Variants in PRKG1 observed in about 807,000 individuals in gnomAD.
PRKG1 encodes the protein protein kinase cGMP-dependent 1, also known as cGMP-dependent protein kinase 1.
In PRKG1, 35 loss-of-function variants were observed where a neutral mutation model predicts 88.1. The ratio of observed to expected loss-of-function variants is 0.40; its 90% CI spans 0.30 to 0.53. The LOEUF (loss-of-function observed/expected upper bound fraction) is 0.53. PRKG1 is among the 20% of genes least tolerant of loss of function. The probability of loss-of-function intolerance (pLI) is 0.59; values close to 1 mark genes in which losing one functional copy is unlikely to be tolerated. For missense variants in PRKG1, 540 were observed against 839.8 expected (o/e 0.64, Z 4.41); for synonymous variants, 303 against 292.5 (o/e 1.04, Z -0.37).
chr10:51,358,442 A>C (rs1766573179), intron 2 of PRKG1, among the ~76,000 whole-genome samples: 1 of 151,942 alleles, frequency 6.6e-6, no homozygotes, highest in African/African-American at 2.4e-5. Flanking sequence ...GGTCTAAAGG[A>C]ATGTCAGTGT....
chr10:51,042,937 G>A (rs977574440), intron 1 of PRKG1, among the ~76,000 whole-genome samples: 1 of 152,152 alleles, frequency 6.6e-6, no homozygotes, highest in Non-Finnish European at 1.5e-5. Flanking sequence ...CTATGAACCA[G>A]GAAGTAGGTC....
At chr10:51,792,484 T>C (rs1336552462) in intron 3 of PRKG1, among the ~76,000 whole-genome samples, 1 of 152,110 alleles carries the variant, frequency 6.6e-6, no homozygotes, top group Non-Finnish European at 1.5e-5. Flanking sequence ...TGAGTTTCCA[T>C]AGATTTTCAA....
intron 2 of PRKG1, among the ~76,000 whole-genome samples, chr10:51,444,101 C>A (rs1839201204): frequency 6.8e-6 from 1 of 148,004 alleles, no homozygotes; most frequent in African/African-American, 2.5e-5. Flanking sequence ...AAAGAGAGTA[C>A]AGGAAAAAAA....
intron 4 of PRKG1, among the ~76,000 whole-genome samples, chr10:51,815,015 A>G (rs10999602): frequency 0.21 from 32,556 of 152,002 alleles, 5,607 homozygotes; most frequent in African/African-American, 0.48. Context: ...CTAAGTCCTC[A>G]GCTAAGGGAC....
chr10:52,293,535 T>C (rs1307657689), intron 17 of PRKG1, among the ~76,000 whole-genome samples: 3 of 152,174 alleles, frequency 2.0e-5, no homozygotes, highest in Admixed American at 2.0e-4. Context: ...TTTGTTTCCA[T>C]AGCTCTAGCC....
chr10:51,276,544 T>C (rs1466558581), intron 2 of PRKG1, among the ~76,000 whole-genome samples: 3 of 152,152 alleles, frequency 2.0e-5, no homozygotes, highest in African/African-American at 7.2e-5. Context: ...CACCACACTG[T>C]CTTCCACAAT....
At chr10:51,907,405 A>G (rs1389906011) in intron 4 of PRKG1, 102 bp from the exon 5 acceptor site, 12 of 889,928 alleles carry the variant, frequency 1.3e-5, no homozygotes, top group Middle Eastern at 2.5e-4. Context: ...ATTCCTTGTC[A>G]TGAAATAGTT....
Position 52,295,090 on chromosome 10 carries a change from A to T in PRKG1, c.*1190A>T, listed in dbSNP as rs979502298. ...TGTCTTAGGCCTGAACCAAAAAACA[A>T]CAAACAAACAAAAAACAAGAATGAA... On this transcript the variant is annotated 3_prime_UTR_variant, in exon 18 of 18. Transcript: ENST00000373980. The T allele has an allele frequency of 1.3e-5, 2 of 152,360 alleles. No homozygotes were observed. Among genetic ancestry groups the T allele is most frequent in the Non-Finnish European group, 2.9e-5 (2 of 68,030 alleles). The allele number at this position is 152,360 out of a possible 1,614,324, so 9.4% of individuals were successfully genotyped here. A position where few individuals can be genotyped will look rare whatever the true frequency, so the allele number is the denominator to read the frequency against.
At chr10:51,422,937 A>G (rs895792544) in intron 2 of PRKG1, among the ~76,000 whole-genome samples, 5 of 150,664 alleles carry the variant, frequency 3.3e-5, no homozygotes, top group African/African-American at 9.8e-5. Context: ...CAAAGTATAC[A>G]GCACTTGATC....
intron 7 of PRKG1, among the ~76,000 whole-genome samples, chr10:52,102,542 C>T (rs1847317865): frequency 6.8e-6 from 1 of 146,330 alleles, no homozygotes; most frequent in African/African-American, 2.5e-5. Flanking sequence ...TTCATAGGAT[C>T]TGTGACTGAG....
rs773312689 is a variant in PRKG1, at chr10:51,907,542, T to G, written c.734T>G (p.Leu245Arg). ...TTCCAGAGCCTTCCTGAAGAGATCCTCAGCAAGCTTGCTGATGTCCTTGAA... is the reference window on the plus strand; with the variant it reads ...TTCCAGAGCCTTCCTGAAGAGATCCGCAGCAAGCTTGCTGATGTCCTTGAA... ...PTFQSLPEEI[L>R]SKLADVLEET... Residue 245 changes from leucine to arginine, a missense_variant, in exon 5 of 18, where the codon CTC (leucine) becomes CGC (arginine). Transcript: ENST00000373980. 1 of 1,613,770 alleles carries G rather than the reference T, an allele frequency of 6.2e-7. No individual in the cohort carries two copies. The highest frequency in any genetic ancestry group is 8.5e-7 in the Non-Finnish European group (1 of 1,179,780).
intron 5 of PRKG1, among the ~76,000 whole-genome samples, chr10:51,974,843 TG>T (rs1843791072): frequency 6.6e-6 from 1 of 152,098 alleles, no homozygotes; most frequent in South Asian, 2.1e-4. Context: ...ATAAGGCCCT[TG>T]AGGTTGTAAA....
rs182982130 is a variant in PRKG1, at chr10:52,191,287, G to A, written c.1076+29324G>A. Among the ~76,000 whole-genome samples the A allele has an allele frequency of 7.2e-5, 11 of 152,146 alleles. No homozygotes were observed. The East Asian group carries it at 2.1e-3, about 29-fold the overall frequency. On this transcript the variant is annotated intron_variant, in intron 9 of 17. Coordinates refer to ENST00000373980, the MANE Select transcript of PRKG1 (RefSeq NM_006258.4). Reference sequence around the variant, plus strand: ...TCTCCCACCTGCCGAGTAGCTGGGAGGGCAGGAACACAGCAGGAGTGGCAG... The same window carrying A: ...TCTCCCACCTGCCGAGTAGCTGGGAAGGCAGGAACACAGCAGGAGTGGCAG...
intron 9 of PRKG1, among the ~76,000 whole-genome samples, chr10:52,166,143 G>T (rs1564497946): frequency 6.6e-6 from 1 of 152,168 alleles, no homozygotes; most frequent in East Asian, 1.9e-4. Context: ...CAAAGCTAAG[G>T]TTCACTGAAT....
intron 9 of PRKG1, among the ~76,000 whole-genome samples, chr10:52,212,946 GATAT>G (rs1294134481): frequency 2.0e-5 from 3 of 152,162 alleles, no homozygotes; most frequent in African/African-American, 7.2e-5. Flanking sequence ...TAACAAGTTA[GATAT>G]ACATGGGAAA....
At chr10:52,024,812 T>C (rs1845290807) in intron 5 of PRKG1, among the ~76,000 whole-genome samples, 1 of 152,180 alleles carries the variant, frequency 6.6e-6, no homozygotes, top group Admixed American at 6.6e-5. Flanking sequence ...GTCTTTATAG[T>C]AGCATGATTT....
At chr10:51,867,960 C>T (rs1172774770) in intron 4 of PRKG1, among the ~76,000 whole-genome samples, 2 of 152,056 alleles carry the variant, frequency 1.3e-5, no homozygotes, top group African/African-American at 2.4e-5. Context: ...CTTGACTTCA[C>T]GTATAAATTC....
chr10:51,698,121 C>G (rs1362395569), intron 3 of PRKG1: 1 of 1,614,094 alleles, frequency 6.2e-7, no homozygotes, highest in East Asian at 2.2e-5. Context: ...GGACCAGGAC[C>G]CTGAATTCCA....
Position 52,185,563 on chromosome 10 carries a change from A to G in PRKG1, c.1076+23600A>G, listed in dbSNP as rs141129496. Among the ~76,000 whole-genome samples the G allele has an allele frequency of 2.2e-4, 33 of 152,282 alleles. No individual in the cohort carries two copies. In the East Asian group the frequency reaches 6.2e-3, roughly 29 times the overall value. ...AGTCCCCTTCCTATAGCTCCAATAG[A>G]CAATGACCTGGTGGGGACTCTTTGC... is the stretch of plus-strand genomic sequence containing the variant. On this transcript the variant is annotated intron_variant, in intron 9 of 17. Coordinates refer to ENST00000373980, the MANE Select transcript of PRKG1 (RefSeq NM_006258.4).
Sources: gnomAD v4.1 joint callset for allele counts (sites outside exome capture counted in the v4.1 genomes callset) on GRCh38, gnomAD v4.1.1 for gene constraint, MANE v1.5 for transcripts, NCBI Gene and HGNC (gene_info 2026-07-23, HGNC 2026-07-21) for gene names.